The following BCAS4 variants were observed in gnomAD, a reference collection of about 807,000 sequenced individuals.
BCAS4 encodes the protein breast carcinoma-amplified sequence 4.
In BCAS4, 9 loss-of-function variants were observed where a neutral mutation model predicts 15.7. That is an observed-to-expected ratio of 0.57 (90% CI 0.34 to 1.00). BCAS4 has a LOEUF of 1.00. Among genes scored for constraint, BCAS4 ranks in the 50% least tolerant of loss-of-function variants. The pLI, the probability that BCAS4 is intolerant of heterozygous loss-of-function variation, is 0.02. For missense variants in BCAS4, 225 were observed against 239.1 expected, an observed-to-expected ratio of 0.94 and a Z score of 0.39; for synonymous variants, 101 against 99.5, an observed-to-expected ratio of 1.02 and a Z score of -0.09.
intron 4 of BCAS4, among the ~76,000 whole-genome samples, chr20:50,845,833 C>T (rs1367193144): frequency 6.6e-6 from 1 of 152,240 alleles, no homozygotes; most frequent in Non-Finnish European, 1.5e-5. Context: ...TGGGCTTCTG[C>T]CCCCATGGGA....
intron 4 of BCAS4, among the ~76,000 whole-genome samples, chr20:50,857,862 TG>T (rs779610505): frequency 2.2e-4 from 34 of 152,160 alleles, no homozygotes; most frequent in Non-Finnish European, 3.8e-4. Context: ...ATGTCCATGG[TG>T]GGGTGAGGGT....
At chr20:50,832,208 AC>A (rs1415924677) in intron 3 of BCAS4, among the ~76,000 whole-genome samples, 5 of 151,650 alleles carry the variant, frequency 3.3e-5, no homozygotes, top group Non-Finnish European at 7.4e-5. Context: ...CTCTGAGCCT[AC>A]CCTGGCTCAG....
chr20:50,866,913 T>C (rs946061562), intron 4 of BCAS4, among the ~76,000 whole-genome samples: 2 of 152,214 alleles, frequency 1.3e-5, no homozygotes, highest in African/African-American at 2.4e-5. Flanking sequence ...GAATGCTCTG[T>C]GACCTTTCAG....
At chr20:50,875,801 G>C (rs1406829597) in intron 4 of BCAS4, among the ~76,000 whole-genome samples, 1 of 151,460 alleles carries the variant, frequency 6.6e-6, no homozygotes, top group Non-Finnish European at 1.5e-5. Flanking sequence ...AAAAAAATCA[G>C]TCATGCCACC....
chr20:50,845,089 C>T (rs1329032402), intron 4 of BCAS4, among the ~76,000 whole-genome samples: 1 of 152,116 alleles, frequency 6.6e-6, no homozygotes, highest in Non-Finnish European at 1.5e-5. Context: ...CTGTAGTCGC[C>T]TCACACCCCA....
intron 4 of BCAS4, among the ~76,000 whole-genome samples, chr20:50,875,375 G>A (rs1313422723): frequency 1.3e-5 from 2 of 152,218 alleles, no homozygotes; most frequent in Admixed American, 6.5e-5. Context: ...CACCAGAAAC[G>A]AGGAAGCACT....
At chr20:50,807,123 C>G (rs927574459) in intron 1 of BCAS4, among the ~76,000 whole-genome samples, 1 of 151,936 alleles carries the variant, frequency 6.6e-6, no homozygotes, top group Non-Finnish European at 1.5e-5. Flanking sequence ...CTGCCTGCCT[C>G]GGCCTCCAAA....
At position 50,832,243 on chromosome 20, in the gene BCAS4, GAAGAA is replaced by G. The variant is rs879203480; in HGVS notation, c.264+1871_264+1875del. Among the ~76,000 whole-genome samples, 27 of 151,166 alleles carry G rather than the reference GAAGAA, an allele frequency of 1.8e-4. No individual in the cohort carries two copies. The South Asian group carries it at 5.7e-3, about 32-fold the overall frequency. On this transcript the variant is annotated intron_variant, in intron 3 of 4. Transcript: ENST00000371608. ...AGGACGCTGCCCAATTTTAAAAAAA[GAAGAA>G]AAGAAAACAACACACTTTTTTTTTT...
chr20:50,853,032 C>A (rs1978525948), intron 4 of BCAS4, among the ~76,000 whole-genome samples: 1 of 152,094 alleles, frequency 6.6e-6, no homozygotes, highest in African/African-American at 2.4e-5. Context: ...CCCTCTACAC[C>A]CCCCACATTC....
chr20:50,799,544 C>T (rs1339001991), intron 1 of BCAS4, among the ~76,000 whole-genome samples: 1 of 152,198 alleles, frequency 6.6e-6, no homozygotes, highest in Non-Finnish European at 1.5e-5. Context: ...TCCTCCCAAC[C>T]AGCCTGTCTC....
intron 4 of BCAS4, among the ~76,000 whole-genome samples, chr20:50,870,993 A>T (rs1979609884): frequency 6.6e-6 from 1 of 150,824 alleles, no homozygotes; most frequent in Non-Finnish European, 1.5e-5. Flanking sequence ...GCCCGGGAGG[A>T]GGGGGTGGGG....
intron 4 of BCAS4, among the ~76,000 whole-genome samples, chr20:50,870,871 GTGGCAGAGGC>G (rs1979603637): frequency 6.6e-6 from 1 of 152,252 alleles, no homozygotes; most frequent in African/African-American, 2.4e-5. Context: ...AGCACTCCCT[GTGGCAGAGGC>G]GGGCCTTGGG....
intron 4 of BCAS4, among the ~76,000 whole-genome samples, chr20:50,864,649 G>A (rs1333219859): frequency 6.6e-6 from 1 of 151,500 alleles, no homozygotes; most frequent in Non-Finnish European, 1.5e-5. Flanking sequence ...CGCCATGTTG[G>A]CCAGGCTGAT....
At chr20:50,873,640 T>C (rs1226380074) in intron 4 of BCAS4, among the ~76,000 whole-genome samples, 1 of 152,192 alleles carries the variant, frequency 6.6e-6, no homozygotes, top group Non-Finnish European at 1.5e-5. Flanking sequence ...GCTCAGCTCC[T>C]GTTTGTGTTC....
At chr20:50,825,501 G>C (rs897082358) in intron 2 of BCAS4, among the ~76,000 whole-genome samples, 2 of 152,208 alleles carry the variant, frequency 1.3e-5, no homozygotes, top group African/African-American at 4.8e-5. Context: ...GTAAACCTCT[G>C]GGCAGATATA....
chr20:50,859,317 A>G (rs550075078), intron 4 of BCAS4, among the ~76,000 whole-genome samples: 3 of 152,272 alleles, frequency 2.0e-5, no homozygotes, highest in South Asian at 4.1e-4. Context: ...GGCCGACTGC[A>G]CTTATCTTTG....
intron 1 of BCAS4, among the ~76,000 whole-genome samples, chr20:50,813,301 G>C (rs1394581250): frequency 1.3e-5 from 2 of 152,170 alleles, no homozygotes; most frequent in Non-Finnish European, 2.9e-5. Flanking sequence ...TGTGATTGCA[G>C]CCATCCCTGT....
chr20:50,864,539 A>G (rs1979260151), intron 4 of BCAS4, among the ~76,000 whole-genome samples: 1 of 151,166 alleles, frequency 6.6e-6, no homozygotes, highest in South Asian at 2.1e-4. Context: ...CCCAGGTCCA[A>G]GAGATTCTCC....
At chr20:50,868,468 C>A (rs1269394464) in intron 4 of BCAS4, among the ~76,000 whole-genome samples, 1 of 152,156 alleles carries the variant, frequency 6.6e-6, no homozygotes, top group Non-Finnish European at 1.5e-5. Context: ...TATTGCCCAG[C>A]CTATAGTGCA....
Sources: allele counts gnomAD v4.1 joint callset (sites outside exome capture counted in the v4.1 genomes callset), GRCh38; gene constraint gnomAD v4.1.1; transcripts MANE v1.5; gene names NCBI Gene and HGNC (gene_info 2026-07-23, HGNC 2026-07-21).